SEMA6A: variants seen among roughly 807,000 people sequenced by gnomAD.
SEMA6A encodes semaphorin 6A.
In SEMA6A, 25 loss-of-function variants were observed where a neutral mutation model predicts 96.8. That is an observed-to-expected ratio of 0.26 (90% CI 0.19 to 0.36). The LOEUF is 0.36. SEMA6A is among the 10% of genes least tolerant of loss of function. The pLI is 1.00. For missense variants in SEMA6A, 1,363 were observed against 1,323.1 expected (o/e 1.03, Z -0.47); for synonymous variants, 612 against 518.0 (o/e 1.18, Z -2.46).
chr5:116,482,226 T>A (rs1003258850), intron 11 of SEMA6A, among the ~76,000 whole-genome samples: 1 of 152,074 alleles, frequency 6.6e-6, no homozygotes, highest in Non-Finnish European at 1.5e-5. Context: ...TAGTGTTACG[T>A]TGGATAAATA....
At chr5:116,536,522 A>G (rs1462355644) in intron 1 of SEMA6A, 1 of 152,240 alleles carries the variant, frequency 6.6e-6, no homozygotes, top group Non-Finnish European at 1.5e-5. Context: ...GGTGGGACCA[A>G]AAGAGGAAAG....
intron 1 of SEMA6A, among the ~76,000 whole-genome samples, chr5:116,506,733 T>C (rs1405736011): frequency 6.6e-6 from 1 of 151,990 alleles, no homozygotes; most frequent in Non-Finnish European, 1.5e-5. Context: ...TACCAGGAGC[T>C]CAAGAATAGT....
intron 1 of SEMA6A, among the ~76,000 whole-genome samples, chr5:116,505,457 G>GCA (rs386418405): frequency 0.14 from 19,733 of 143,614 alleles, 1,443 homozygotes; most frequent in Middle Eastern, 0.22. Context: ...ACACACGCAC[G>GCA]CGCACACACA....
chr5:116,458,903 C>G (rs567351098), intron 18 of SEMA6A, among the ~76,000 whole-genome samples: 2 of 152,246 alleles, frequency 1.3e-5, no homozygotes, highest in African/African-American at 4.8e-5. Context: ...CCCTCTCCCC[C>G]TGCACACGTT....
chr5:116,559,381 C>G (rs1580516721), intron 1 of SEMA6A, among the ~76,000 whole-genome samples: 2 of 152,296 alleles, frequency 1.3e-5, no homozygotes, highest in Non-Finnish European at 2.9e-5. Context: ...GACAGGTACC[C>G]CCTGGAGATT....
chr5:116,562,551 A>G (rs905395553), intron 1 of SEMA6A: 1 of 572,214 alleles, frequency 1.7e-6, no homozygotes, highest in African/African-American at 1.9e-5. Context: ...GTCTGGAGAC[A>G]ACGTGCAGAA....
At chr5:116,502,096 A>G in intron 3 of SEMA6A, 114 bp downstream of exon 3, 1 of 762,718 alleles carries the variant, frequency 1.3e-6, no homozygotes, top group Non-Finnish European at 2.2e-6. Context: ...GCTTTAAGTT[A>G]AATAACACTC....
At chr5:116,521,160 C>T (rs796832558) in intron 1 of SEMA6A, among the ~76,000 whole-genome samples, 2 of 152,308 alleles carry the variant, frequency 1.3e-5, no homozygotes, top group African/African-American at 4.8e-5. Flanking sequence ...AGACATCCAG[C>T]ATCTATACAG....
chr5:116,449,360 CTCTT>C (rs1342113362), intron 18 of SEMA6A: 1 of 702,370 alleles, frequency 1.4e-6, no homozygotes, highest in African/African-American at 1.7e-5. Context: ...ACTAAATCAA[CTCTT>C]TCTGGAATAT....
intron 1 of SEMA6A, among the ~76,000 whole-genome samples, chr5:116,544,268 C>T (rs777752940): frequency 1.5e-4 from 23 of 152,118 alleles, no homozygotes; most frequent in Non-Finnish European, 2.9e-4. Context: ...TCCCATCTGC[C>T]ACACAGGATT....
chr5:116,483,037 T>A (rs1323403071), intron 10 of SEMA6A, among the ~76,000 whole-genome samples: 1 of 152,320 alleles, frequency 6.6e-6, no homozygotes, highest in South Asian at 2.1e-4. Context: ...AGCCAAGAAC[T>A]TAGGGTGTGA....
intron 1 of SEMA6A, among the ~76,000 whole-genome samples, chr5:116,509,798 A>G (rs1045577483): frequency 1.3e-5 from 2 of 152,150 alleles, no homozygotes; most frequent in Non-Finnish European, 2.9e-5. Flanking sequence ...TCTTTGTCCT[A>G]AAGGCACTGG....
At chr5:116,549,841 A>C (rs976722284) in intron 1 of SEMA6A, among the ~76,000 whole-genome samples, 2 of 152,190 alleles carry the variant, frequency 1.3e-5, no homozygotes, top group Non-Finnish European at 2.9e-5. Flanking sequence ...AGAACACACA[A>C]ACGATACTTA....
Position 116,488,143 on chromosome 5 carries a change from TGAA to T in SEMA6A, c.706_708del (p.Phe236del), listed in dbSNP as rs753992015. 5.0e-6 allele frequency: 8 copies of T among 1,612,292 alleles called. No individual in the cohort carries two copies. Among genetic ancestry groups the T allele is most frequent in the Non-Finnish European group, 5.9e-6 (7 of 1,178,964 alleles). ...GTGTTATACTCCACTGCTATTTCCC[TGAA>T]GAAGAAGTAGATATAATCTCCGTAA... On this transcript the variant is annotated inframe_deletion, in exon 9 of 19. Transcript: ENST00000343348.
chr5:116,496,114 G>C (rs1757588095), intron 5 of SEMA6A, 137 bp downstream of exon 5: 4 of 718,576 alleles, frequency 5.6e-6, no homozygotes, highest in African/African-American at 5.4e-5. Flanking sequence ...AAAGCCTTCA[G>C]TAAGTTGATG....
chr5:116,497,034 G>C (rs1211980006), intron 4 of SEMA6A, among the ~76,000 whole-genome samples: 1 of 152,098 alleles, frequency 6.6e-6, no homozygotes, highest in Non-Finnish European at 1.5e-5. Flanking sequence ...TATGAAAACT[G>C]ATGTTTTCCT....
At chr5:116,567,611 G>A (rs1210374398) in intron 1 of SEMA6A, among the ~76,000 whole-genome samples, 1 of 152,174 alleles carries the variant, frequency 6.6e-6, no homozygotes, top group Non-Finnish European at 1.5e-5. Flanking sequence ...AACTGAAGGA[G>A]AAAGGAAACT....
chr5:116,477,550 G>A (rs1457005119), intron 15 of SEMA6A, among the ~76,000 whole-genome samples: 2 of 152,172 alleles, frequency 1.3e-5, no homozygotes, highest in East Asian at 1.9e-4. Flanking sequence ...CTCCCACCAT[G>A]ATGATCAAGG....
chr5:116,450,622 AT>A (rs1754565823), intron 18 of SEMA6A, among the ~76,000 whole-genome samples: 2 of 152,170 alleles, frequency 1.3e-5, no homozygotes, highest in African/African-American at 4.8e-5. Flanking sequence ...AGTGGATGAT[AT>A]TTGAGTTCAG....
Sources: allele counts gnomAD v4.1 joint callset (sites outside exome capture counted in the v4.1 genomes callset), GRCh38; gene constraint gnomAD v4.1.1; transcripts MANE v1.5; gene names NCBI Gene and HGNC (gene_info 2026-07-23, HGNC 2026-07-21).